The following B4GALNT2 variants were observed in gnomAD, a reference collection of about 807,000 sequenced individuals.
B4GALNT2 encodes the protein N-acetylneuraminylgalactosylglucosyl-glucoside beta-1,4-N- acetylgalactosaminyltransferase 2.
In B4GALNT2, 42 loss-of-function variants were observed where a neutral mutation model predicts 51.1. The ratio of observed to expected loss-of-function variants is 0.82; its 90% CI spans 0.64 to 1.06. B4GALNT2 has a LOEUF of 1.06. B4GALNT2 is among the 50% of genes least tolerant of loss of function. The probability of loss-of-function intolerance (pLI) is 0.00; values close to 1 mark genes in which losing one functional copy is unlikely to be tolerated. For missense variants in B4GALNT2, 602 were observed against 633.6 expected, an observed-to-expected ratio of 0.95 and a Z score of 0.54; for synonymous variants, 253 against 251.7, an observed-to-expected ratio of 1.01 and a Z score of -0.05.
rs1002991202 is a variant in B4GALNT2, at chr17:49,150,720, G to A, written c.354-2080G>A. On this transcript the variant is annotated intron_variant, in intron 3 of 10. Transcript: ENST00000393354. Reference sequence around the variant, plus strand: ...GTGCTTTGTTAAACAGATGCTTGACGGCAGCATGCTCGTTAAGAGTCATCA... The same window carrying A: ...GTGCTTTGTTAAACAGATGCTTGACAGCAGCATGCTCGTTAAGAGTCATCA... Among the ~76,000 whole-genome samples the A allele has an allele frequency of 2.5e-3, 375 of 150,874 alleles. 3 individuals are homozygous for A. The highest frequency in any genetic ancestry group is 8.5e-3 in the African/African-American group (346 of 40,890).
At chr17:49,145,138 A>G (rs943639912) in intron 3 of B4GALNT2, among the ~76,000 whole-genome samples, 11 of 152,144 alleles carry the variant, frequency 7.2e-5, no homozygotes, top group Admixed American at 3.9e-4. Flanking sequence ...GCATCCTTCA[A>G]TCCAATCGAA....
intron 9 of B4GALNT2, among the ~76,000 whole-genome samples, chr17:49,167,822 C>T (rs1203263138): frequency 1.3e-5 from 2 of 152,076 alleles, no homozygotes; most frequent in African/African-American, 4.8e-5. Context: ...ATTGGCCAGG[C>T]TGCTCTCGAA....
intron 1 of B4GALNT2, among the ~76,000 whole-genome samples, chr17:49,135,439 C>T (rs537782547): frequency 3.3e-5 from 5 of 151,712 alleles, no homozygotes; most frequent in Admixed American, 6.6e-5. Context: ...CCACCATGCC[C>T]GCCTAAGATG....
chr17:49,140,587 T>C (rs1487555171), intron 1 of B4GALNT2, among the ~76,000 whole-genome samples: 2 of 152,214 alleles, frequency 1.3e-5, no homozygotes, highest in Non-Finnish European at 2.9e-5. Context: ...TATACTTTAA[T>C]GCTATTATTA....
At chr17:49,169,023 T>G (rs986637178) in intron 10 of B4GALNT2, 123 bp downstream of exon 10, 1 of 895,944 alleles carries the variant, frequency 1.1e-6, no homozygotes, top group Non-Finnish European at 1.7e-6. Context: ...AGTACATCCC[T>G]TTCCCCTTTC....
chr17:49,142,253 G>A, intron 3 of B4GALNT2, 81 bp downstream of exon 3: 2 of 1,539,442 alleles, frequency 1.3e-6, no homozygotes, highest in Admixed American at 1.9e-5. Flanking sequence ...AATCTTAAGA[G>A]AAAAAGCAGG....
At chr17:49,168,991 T>C in intron 10 of B4GALNT2, 91 bp downstream of exon 10, 1 of 1,322,784 alleles carries the variant, frequency 7.6e-7, no homozygotes, top group South Asian at 1.4e-5. Flanking sequence ...GGCTGGCTGA[T>C]CATAGTCGCT....
Position 49,167,938 on chromosome 17 carries a change from C to G in B4GALNT2, c.1096-743C>G, listed in dbSNP as rs577733114. Reference sequence around the variant, plus strand: ...CCCTCAACCACTCTTAACCTCCTACCTTTTGTATTCTCCAGTGTCTATTAT... The same window carrying G: ...CCCTCAACCACTCTTAACCTCCTACGTTTTGTATTCTCCAGTGTCTATTAT... On this transcript the variant is annotated intron_variant, in intron 9 of 10. Transcript: ENST00000393354. 1.6e-4 allele frequency among the ~76,000 whole-genome samples: 25 copies of G among 152,250 alleles called. No homozygotes were observed. In the South Asian group the frequency reaches 5.2e-3, roughly 32 times the overall value.
chr17:49,141,201 C>A (rs753183246), intron 1 of B4GALNT2, 46 bp from the exon 2 acceptor site: 2 of 1,559,398 alleles, frequency 1.3e-6, no homozygotes, highest in African/African-American at 1.4e-5. Flanking sequence ...ATTACATAAT[C>A]AAGAAAAAAG....
At chr17:49,165,093 C>T (rs1182227731) in intron 8 of B4GALNT2, among the ~76,000 whole-genome samples, 1 of 152,004 alleles carries the variant, frequency 6.6e-6, no homozygotes, top group Non-Finnish European at 1.5e-5. Flanking sequence ...GGATTACAGG[C>T]GTGAGCCACT....
At chr17:49,163,285 G>A (rs2042880872) in intron 7 of B4GALNT2, among the ~76,000 whole-genome samples, 1 of 152,174 alleles carries the variant, frequency 6.6e-6, no homozygotes, top group Non-Finnish European at 1.5e-5. Context: ...AGTATTTGGA[G>A]ACATTTCTAA....
chr17:49,171,392 C>T lies in B4GALNT2; in HGVS notation c.*1664C>T, dbSNP rs1426194997. 2 of 437,160 alleles carry T rather than the reference C, an allele frequency of 4.6e-6. No individual in the cohort carries two copies. Among genetic ancestry groups the T allele is most frequent in the East Asian group, 7.1e-5 (1 of 14,170 alleles). The allele number at this position is 437,160 out of a possible 1,614,324, so 27.1% of individuals were successfully genotyped here. On this transcript the variant is annotated 3_prime_UTR_variant, in exon 11 of 11. Coordinates refer to ENST00000393354, the MANE Select transcript of B4GALNT2 (RefSeq NM_001159387.2). Reference sequence around the variant, plus strand: ...GCACTCCAGTTCCTGGCATTAAGGTCAAGTGTGCCTGGGATGCTTTAAATA... The same window carrying T: ...GCACTCCAGTTCCTGGCATTAAGGTTAAGTGTGCCTGGGATGCTTTAAATA...
At chr17:49,129,075 A>G (rs1350650237), upstream of B4GALNT2, among the ~76,000 whole-genome samples, 1 of 152,206 alleles carries the variant, frequency 6.6e-6, no homozygotes. Flanking sequence ...GGGAAGGCAG[A>G]TCTTACCAGT....
intron 3 of B4GALNT2, among the ~76,000 whole-genome samples, chr17:49,144,722 A>T (rs1196160816): frequency 6.6e-6 from 1 of 152,208 alleles, no homozygotes; most frequent in Non-Finnish European, 1.5e-5. Context: ...CAACATGGTG[A>T]AACCCCATGT....
chr17:49,127,050 T>C, the B4GALNT2 span, among the ~76,000 whole-genome samples: 1 of 152,242 alleles, frequency 6.6e-6, no homozygotes, highest in Admixed American at 6.5e-5. Flanking sequence ...AAATTTTTTA[T>C]GACTTACACA....
chr17:49,135,246 G>A (rs1304224588), intron 1 of B4GALNT2, among the ~76,000 whole-genome samples: 1 of 152,128 alleles, frequency 6.6e-6, no homozygotes, highest in Admixed American at 6.5e-5. Context: ...GCTTCGGTTT[G>A]TTCCATTCAC....
At chr17:49,167,017 A>G (rs956662156) in intron 9 of B4GALNT2, among the ~76,000 whole-genome samples, 10 of 152,154 alleles carry the variant, frequency 6.6e-5, no homozygotes, top group Non-Finnish European at 2.9e-5. Flanking sequence ...TGTAGAAAAG[A>G]AAAAGGGGCA....
chr17:49,127,118 C>T, the B4GALNT2 span, among the ~76,000 whole-genome samples: 1 of 152,220 alleles, frequency 6.6e-6, no homozygotes, highest in African/African-American at 2.4e-5. Flanking sequence ...TTTCTTTAAA[C>T]AACCAGTTAA....
At position 49,142,100 on chromosome 17, in the gene B4GALNT2, A is replaced by T. The variant is rs201550101; in HGVS notation, c.281A>T (p.Asp94Val). The T allele has an allele frequency of 4.3e-6, 7 of 1,614,050 alleles. No individual in the cohort carries two copies. Among genetic ancestry groups the T allele is most frequent in the Non-Finnish European group, 5.9e-6 (7 of 1,180,026 alleles). The change falls in exon 3 of 11, where the codon GAT becomes GTT. Residue 94 changes from aspartate to valine, a missense_variant. Transcript: ENST00000393354. ...NKEQGGYNFQ[D>V]AYGQSDLPAV... ...GAGCAGGGAGGTTACAACTTTCAGG[A>T]TGCCTATGGCCAGAGCGACCTCCCA...
Sources: allele counts gnomAD v4.1 joint callset (sites outside exome capture counted in the v4.1 genomes callset), GRCh38; gene constraint gnomAD v4.1.1; transcripts MANE v1.5; gene names NCBI Gene and HGNC (gene_info 2026-07-23, HGNC 2026-07-21).